COL6A2: variants seen among roughly 807,000 people sequenced by gnomAD.
COL6A2 encodes collagen alpha-2(VI) chain.
A neutral mutation model predicts 124.9 loss-of-function variants in COL6A2; 90 were observed. The observed-to-expected ratio is 0.72, with a 90% confidence interval of 0.61 to 0.86. The LOEUF is 0.86. COL6A2 is among the 40% of genes least tolerant of loss of function. The pLI is 0.00. For missense variants in COL6A2, 1,607 were observed against 1,502.5 expected (o/e 1.07, Z -1.15); for synonymous variants, 793 against 618.2 (o/e 1.28, Z -4.19).
rs112052718 is a variant in COL6A2 at position 46,113,719 on chromosome 21, G to A, written c.736-289G>A. The stretch of plus-strand genomic sequence containing the variant: ...GGGATTCCAGGCGTGAGCTGCACCC[G>A]GCCTTTCTTCCCTTCTATTTTCTGT... On this transcript the variant is annotated intron_variant, in intron 4 of 27. Transcript: ENST00000300527. The A allele has an allele frequency of 0.012, 5,997 of 506,886 alleles. 64 individuals carry two copies. Among genetic ancestry groups the A allele is most frequent in the Non-Finnish European group, 0.017 (4,791 of 277,302 alleles). The allele number at this position is 506,886 out of a possible 1,614,324, so 31.4% of individuals were successfully genotyped here.
In COL6A2 at chr21:46,113,828, G is replaced by T. The variant is rs572667116; in HGVS notation, c.736-180G>T. 8.8e-6 allele frequency: 6 copies of T among 682,632 alleles called. No homozygotes were observed. The Admixed American group carries it at 1.0e-4, about 12-fold the overall frequency. The allele number at this position is 682,632 out of a possible 1,614,324, so 42.3% of individuals were successfully genotyped here. A position where few individuals can be genotyped will look rare whatever the true frequency, so the allele number is the denominator to read the frequency against. ...AACTCTTTGGCTTGTCCCTGATGGG[G>T]GCAGAGCCTCACAGCACCCCATGTC... On this transcript the variant is annotated intron_variant, in intron 4 of 27. Transcript: ENST00000300527.
chr21:46,110,727 C>T (rs1167423108), intron 1 of COL6A2, among the ~76,000 whole-genome samples: 3 of 151,088 alleles, frequency 2.0e-5, no homozygotes, highest in Admixed American at 1.3e-4. Context: ...GCCCGGTGCC[C>T]TTTCTGCCCA....
intron 21 of COL6A2, among the ~76,000 whole-genome samples, chr21:46,123,388 T>TC (rs2078598313): frequency 6.6e-6 from 1 of 151,140 alleles, no homozygotes; most frequent in African/African-American, 2.4e-5. Flanking sequence ...CCCAATGTCC[T>TC]CCCCACAGTT....
At chr21:46,100,583 C>T (rs1038056585) in intron 1 of COL6A2, among the ~76,000 whole-genome samples, 3 of 152,186 alleles carry the variant, frequency 2.0e-5, no homozygotes, top group Non-Finnish European at 2.9e-5. Flanking sequence ...CCCCTGGCAG[C>T]CACCATCCTA....
In COL6A2 at chr21:46,116,361, C is replaced by A; in HGVS notation, c.901-16C>A. The A allele has an allele frequency of 6.2e-7, 1 of 1,612,910 alleles. No individual in the cohort carries two copies. The highest frequency in any genetic ancestry group is 8.5e-7 in the Non-Finnish European group (1 of 1,179,894). On this transcript the variant is annotated splice_polypyrimidine_tract_variant and intron_variant, in intron 7 of 27. Transcript: ENST00000300527. This position sits in a 1 kb window ranked among gnomAD's most constrained non-coding sequence, Gnocchi z 4.6. ...CAGAGCTCCTCACTAATGCCCCTCT[C>A]TCCTCCTGCCCCCAGGGCGTTCCTG...
chr21:46,124,223 T>TGATGGATGGGTGACTGGGTG (rs1376754980), intron 21 of COL6A2, among the ~76,000 whole-genome samples: 1 of 147,152 alleles, frequency 6.8e-6, no homozygotes, highest in Non-Finnish European at 1.5e-5. Flanking sequence ...GGTGGATGGA[T>TGATGGATGGGTGACTGGGTG]GATGGATGGG....
chr21:46,116,331 C>T lies in COL6A2; in HGVS notation c.901-46C>T, dbSNP rs1336890020. On this transcript the variant is annotated intron_variant, in intron 7 of 27. Coordinates refer to ENST00000300527, the MANE Select transcript of COL6A2 (RefSeq NM_001849.4). This position sits in a 1 kb window ranked among gnomAD's most constrained non-coding sequence, Gnocchi z 4.6. ...AGGGCTGGCCCTTCCCTGCCTGTGT[C>T]TCTGCAGAGCTCCTCACTAATGCCC... 2.5e-6 allele frequency: 4 copies of T among 1,608,754 alleles called. No individual in the cohort carries two copies. The highest frequency in any genetic ancestry group is 3.4e-6 in the Non-Finnish European group (4 of 1,177,112).
intron 27 of COL6A2, chr21:46,129,136 G>T (rs1405790770): frequency 1.2e-6 from 2 of 1,609,978 alleles, no homozygotes; most frequent in Non-Finnish European, 8.5e-7. Flanking sequence ...TGCCCGAGGA[G>T]GAGCTCTAGG....
At position 46,116,544 on chromosome 21, in the gene COL6A2, G is replaced by A. The variant is rs1003661999; in HGVS notation, c.928-107G>A. ...GTGGTGGCTTTGGGGGCTCCTGGGGGGTCCTGTGGCCTTGAGTTTGGCCCA... is the reference window on the plus strand; with the variant it reads ...GTGGTGGCTTTGGGGGCTCCTGGGGAGTCCTGTGGCCTTGAGTTTGGCCCA... On this transcript the variant is annotated intron_variant, in intron 8 of 27. Coordinates refer to ENST00000300527, the MANE Select transcript of COL6A2 (RefSeq NM_001849.4). This position sits in a 1 kb window ranked among gnomAD's most constrained non-coding sequence, Gnocchi z 4.6. The A allele has an allele frequency of 2.5e-6, 4 of 1,580,372 alleles. No homozygotes were observed. The highest frequency in any genetic ancestry group is 1.8e-4 in the Middle Eastern group (1 of 5,496).
Position 46,125,604 on chromosome 21 carries a change from C to G in COL6A2, c.1956C>G (p.Pro652=). ...VNRLGAIAKD[P]KSETGTRVGV... ...GGCTGGGTGCCATCGCTAAGGACCC[C>G]AAGTCCGAGACAGGTCAGCGGGGCA... The change falls in exon 25 of 28, where the codon CCC becomes CCG. Residue 652 remains proline (P), a synonymous_variant. Transcript: ENST00000300527. 1 of 1,610,430 alleles carries G rather than the reference C, an allele frequency of 6.2e-7. No homozygotes were observed. Among genetic ancestry groups the G allele is most frequent in the Non-Finnish European group, 8.5e-7 (1 of 1,178,642 alleles).
At chr21:46,129,083 G>C in intron 27 of COL6A2, 1 of 1,600,202 alleles carries the variant, frequency 6.2e-7, no homozygotes, top group Non-Finnish European at 8.5e-7. Flanking sequence ...CTACCGACTC[G>C]CCAGCCCAAA....
At chr21:46,123,683 GAGTA>G (rs2078604281) in intron 21 of COL6A2, among the ~76,000 whole-genome samples, 1 of 67,840 alleles carries the variant, frequency 1.5e-5, no homozygotes, top group Non-Finnish European at 3.3e-5. Flanking sequence ...ATGTATGGGT[GAGTA>G]GGTGGGTAGG....
chr21:46,119,913 G>A, intron 15 of COL6A2, 63 bp downstream of exon 15: 1 of 1,438,310 alleles, frequency 7.0e-7, no homozygotes, highest in East Asian at 2.5e-5. Flanking sequence ...CTGCTGACGA[G>A]GGCCCCAACC....
chr21:46,130,810 A>G (rs551155871), intron 27 of COL6A2, among the ~76,000 whole-genome samples: 1 of 152,320 alleles, frequency 6.6e-6, no homozygotes, highest in South Asian at 2.1e-4. Flanking sequence ...TGTGGCCTTA[A>G]CAGGGAGGCT....
intron 1 of COL6A2, among the ~76,000 whole-genome samples, chr21:46,100,290 A>G (rs768809468): frequency 2.0e-5 from 3 of 151,650 alleles, no homozygotes; most frequent in Non-Finnish European, 4.4e-5. Context: ...GGGTCTCACT[A>G]TGTTGCCCAG....
chr21:46,124,491 T>C (rs1249257329), intron 21 of COL6A2, among the ~76,000 whole-genome samples, 160 bp from the exon 22 acceptor site: 1 of 151,892 alleles, frequency 6.6e-6, no homozygotes, highest in African/African-American at 2.4e-5. Flanking sequence ...GGTGCCAGCA[T>C]AGGGAAGGAG....
rs1010688 is a variant in COL6A2, at chr21:46,112,630, C to T, written c.714+53C>T. ...CGCGCCAGGGGTGGCCACGGTGGGC[C>T]GTCCACCCACTCCGGGCCTCACTTT... On this transcript the variant is annotated intron_variant, in intron 3 of 27. Transcript: ENST00000300527. 795,786 of 1,598,130 alleles carry T rather than the reference C, an allele frequency of 0.5. 205,451 individuals carry two copies. The highest frequency in any genetic ancestry group is 0.63 in the Admixed American group (37,457 of 59,800).
chr21:46,121,532 T>G (rs1370885656), intron 17 of COL6A2, 24 bp from the exon 18 acceptor site: 13 of 1,612,018 alleles, frequency 8.1e-6, no homozygotes, highest in Non-Finnish European at 1.0e-5. Flanking sequence ...TGTGCTGACT[T>G]CTGAATTTCT....
chr21:46,116,517 C>T lies in COL6A2; in HGVS notation c.927+114C>T, dbSNP rs1218727975. The T allele has an allele frequency of 6.3e-6, 10 of 1,577,694 alleles. No homozygotes were observed. The African/African-American group carries it at 6.7e-5, about 11-fold the overall frequency. On this transcript the variant is annotated intron_variant, in intron 8 of 27. Coordinates refer to ENST00000300527, the MANE Select transcript of COL6A2 (RefSeq NM_001849.4). This position sits in a 1 kb window ranked among gnomAD's most constrained non-coding sequence, Gnocchi z 4.6. ...CTGGGGCACCGGCCTGGTCTTTTCT[C>T]AGTGGTGGCTTTGGGGGCTCCTGGG...
Sources: gnomAD v4.1 joint callset for allele counts (sites outside exome capture counted in the v4.1 genomes callset) on GRCh38, gnomAD v4.1.1 for gene constraint, Gnocchi (gnomAD v3.1) non-coding constraint, MANE v1.5 for transcripts, NCBI Gene and HGNC (gene_info 2026-07-23, HGNC 2026-07-21) for gene names.